The following CDIN1 variants were observed in gnomAD, a reference collection of about 807,000 sequenced individuals.
CDIN1 encodes CDAN1 interacting nuclease 1.
CDIN1 carries 33 observed loss-of-function variants against 45.3 expected under a neutral mutation model. That is an observed-to-expected ratio of 0.73 (90% CI 0.55 to 0.97). The LOEUF is 0.97. Ranked by LOEUF, CDIN1 falls within the 50% of genes least tolerant of loss-of-function variation. The probability of loss-of-function intolerance (pLI) is 0.00; values close to 1 mark genes in which losing one functional copy is unlikely to be tolerated. For synonymous variants in CDIN1, 118 were observed against 124.4 expected (o/e 0.95, Z 0.34); for missense variants, 303 against 339.4 (o/e 0.89, Z 0.84).
At chr15:36,696,267 C>T in intron 7 of CDIN1, 1 of 152,340 alleles carries the variant, frequency 6.6e-6, no homozygotes, top group Non-Finnish European at 1.5e-5. Context: ...GAGAAAAAGA[C>T]TCTTGAAACA....
chr15:36,796,981 G>A (rs774353633), intron 10 of CDIN1, among the ~76,000 whole-genome samples: 1 of 152,150 alleles, frequency 6.6e-6, no homozygotes, highest in Non-Finnish European at 1.5e-5. Context: ...ATTAAAAGCC[G>A]CACAACCGAC....
chr15:36,604,598 A>G (rs1203727926), intron 1 of CDIN1, among the ~76,000 whole-genome samples: 1 of 152,170 alleles, frequency 6.6e-6, no homozygotes, highest in Admixed American at 6.5e-5. Flanking sequence ...TGACCTTTTA[A>G]AAGTATTTAC....
chr15:36,683,197 T>A (rs1595465800), intron 5 of CDIN1, among the ~76,000 whole-genome samples: 1 of 152,140 alleles, frequency 6.6e-6, no homozygotes, highest in East Asian at 1.9e-4. Flanking sequence ...CTTCTAGGGT[T>A]TTTATGGTTT....
chr15:36,610,940 T>C (rs934252777), intron 1 of CDIN1, among the ~76,000 whole-genome samples: 1 of 152,224 alleles, frequency 6.6e-6, no homozygotes, highest in African/African-American at 2.4e-5. Flanking sequence ...TCAGGTGTTA[T>C]AGCATCTGTT....
At position 36,743,830 on chromosome 15, in the gene CDIN1, A is replaced by G. The variant is rs150065606; in HGVS notation, c.716+33869A>G. 5.3e-5 allele frequency among the ~76,000 whole-genome samples: 8 copies of G among 152,096 alleles called. No individual in the cohort carries two copies. The East Asian group carries it at 1.6e-3, about 30-fold the overall frequency. ...CATGAGCCCTGGAGGTCGAGCCTGC[A>G]GTAAATCATGATCATGCCACTGCAC... On this transcript the variant is annotated intron_variant, in intron 10 of 10. Transcript: ENST00000566621.
intron 10 of CDIN1, among the ~76,000 whole-genome samples, chr15:36,772,130 A>G (rs1863825385): frequency 6.6e-6 from 1 of 152,068 alleles, no homozygotes; most frequent in Non-Finnish European, 1.5e-5. Flanking sequence ...CCAACACATC[A>G]TATCTTCAAG....
intron 10 of CDIN1, among the ~76,000 whole-genome samples, chr15:36,739,276 G>A (rs2044146850): frequency 1.3e-5 from 2 of 152,212 alleles, no homozygotes; most frequent in Non-Finnish European, 2.9e-5. Flanking sequence ...ATAGTGGCAT[G>A]TGCCTGTAGT....
intron 1 of CDIN1, chr15:36,618,080 A>G (rs1473091874): frequency 2.7e-6 from 2 of 744,542 alleles, no homozygotes; most frequent in Non-Finnish European, 4.9e-6. Context: ...TCCAAATCCT[A>G]CACCTTACTT....
In CDIN1 at chr15:36,584,530, A is replaced by G. The variant is rs573436410; in HGVS notation, c.101+4569A>G. On this transcript the variant is annotated intron_variant, in intron 1 of 10. Transcript: ENST00000566621. ...TTTATTGTCATGCGTTTGTATGATT[A>G]TCATAGATTTATGAATTTTTATTTT... is the stretch of plus-strand genomic sequence containing the variant. 6.0e-4 allele frequency among the ~76,000 whole-genome samples: 91 copies of G among 152,360 alleles called. 1 individual carries two copies. In the South Asian group the frequency reaches 0.017, roughly 29 times the overall value.
Position 36,579,676 on chromosome 15 carries a change from A to T in CDIN1, c.-185A>T. On this transcript the variant is annotated 5_prime_UTR_variant, in exon 1 of 11. Coordinates refer to ENST00000566621, the MANE Select transcript of CDIN1 (RefSeq NM_001321759.2). ...CGCGGAGGTGCCGGTGGAGCCTGGGACCGGGCGAGTCTCCGCCCCGCTTTT... is the reference window on the plus strand; with the variant it reads ...CGCGGAGGTGCCGGTGGAGCCTGGGTCCGGGCGAGTCTCCGCCCCGCTTTT... 1 of 562,996 alleles carries T rather than the reference A, an allele frequency of 1.8e-6. No individual in the cohort carries two copies. Among genetic ancestry groups the T allele is most frequent in the South Asian group, 2.2e-5 (1 of 45,604 alleles). The allele number at this position is 562,996 out of a possible 1,614,324, so 34.9% of individuals were successfully genotyped here.
At chr15:36,618,529 A>G (rs2039004085) in intron 1 of CDIN1, 4 of 1,210,228 alleles carry the variant, frequency 3.3e-6, no homozygotes, top group South Asian at 2.4e-5. Context: ...ACTAGCCTCA[A>G]ATTTTCCACC....
intron 1 of CDIN1, among the ~76,000 whole-genome samples, chr15:36,619,419 G>A (rs1372693299): frequency 6.6e-6 from 1 of 152,170 alleles, no homozygotes; most frequent in East Asian, 1.9e-4. Flanking sequence ...AGTTGTGAGT[G>A]ATAGGATCCC....
chr15:36,584,860 A>G (rs79314823), intron 1 of CDIN1, among the ~76,000 whole-genome samples: 4,093 of 152,328 alleles, frequency 0.027, 57 homozygotes, highest in South Asian at 0.046. Context: ...GCCAGGAAAC[A>G]ATTTTTAAAA....
At chr15:36,721,311 T>C (rs1013197652) in intron 10 of CDIN1, among the ~76,000 whole-genome samples, 1 of 152,164 alleles carries the variant, frequency 6.6e-6, no homozygotes, top group Admixed American at 6.6e-5. Context: ...AATGTAGACA[T>C]TTTAATGCAA....
Position 36,808,364 on chromosome 15 carries a change from C to G in CDIN1, c.757C>G (p.Gln253Glu), listed in dbSNP as rs1482205707. 1 of 1,613,402 alleles carries G rather than the reference C, an allele frequency of 6.2e-7. No individual in the cohort carries two copies. The highest frequency in any genetic ancestry group is 1.7e-5 in the Admixed American group (1 of 59,952). The change falls in exon 11 of 11, where the codon CAG (glutamine) becomes GAG (glutamate). Residue 253 changes from glutamine to glutamate, a missense_variant. Coordinates refer to ENST00000566621, the MANE Select transcript of CDIN1 (RefSeq NM_001321759.2). ...GLVIYWYGFI[Q>E]ELDCNRERGI... ...AGTCATCTATTGGTATGGATTTATC[C>G]AGGAGCTGGACTGCAACCGGGAAAG...
chr15:36,761,803 A>T (rs181301212), intron 10 of CDIN1, among the ~76,000 whole-genome samples: 2 of 152,234 alleles, frequency 1.3e-5, no homozygotes, highest in African/African-American at 4.8e-5. Flanking sequence ...TTACTGTTGC[A>T]TACTGATATG....
intron 5 of CDIN1, chr15:36,658,359 A>G (rs1455395564): frequency 1.3e-5 from 2 of 152,414 alleles, no homozygotes; most frequent in African/African-American, 4.8e-5. Context: ...AGAGCTACAG[A>G]AGGAGGTTCA....
chr15:36,775,495 T>G (rs957725689), intron 10 of CDIN1, among the ~76,000 whole-genome samples: 7 of 152,212 alleles, frequency 4.6e-5, no homozygotes, highest in African/African-American at 1.7e-4. Flanking sequence ...ACCAGAAGCC[T>G]GGGTCAGGCA....
chr15:36,673,042 G>GTT (rs2041510528), intron 5 of CDIN1, among the ~76,000 whole-genome samples: 1 of 152,114 alleles, frequency 6.6e-6, no homozygotes, highest in Non-Finnish European at 1.5e-5. Context: ...GGAAGAGCAG[G>GTT]TGTAAGCAGA....
Sources: gnomAD v4.1 joint callset for allele counts (sites outside exome capture counted in the v4.1 genomes callset) on GRCh38, gnomAD v4.1.1 for gene constraint, MANE v1.5 for transcripts, NCBI Gene and HGNC (gene_info 2026-07-23, HGNC 2026-07-21) for gene names.